MECOM: variants seen among roughly 807,000 people sequenced by gnomAD.
MECOM encodes histone-lysine N-methyltransferase MECOM.
Under a neutral mutation model 116.3 loss-of-function variants are expected in MECOM, and 13 were observed. The ratio of observed to expected loss-of-function variants is 0.11; its 90% CI spans 0.07 to 0.18. The LOEUF (loss-of-function observed/expected upper bound fraction) is 0.18. MECOM is among the 10% of genes least tolerant of loss of function. The probability of loss-of-function intolerance (pLI) is 1.00; values close to 1 mark genes in which losing one functional copy is unlikely to be tolerated. For missense variants in MECOM, 1,299 were observed against 1,509.0 expected (o/e 0.86, Z 2.31); for synonymous variants, 528 against 535.2 (o/e 0.99, Z 0.19).
chr3:169,491,621 G>A (rs565395476), intron 1 of MECOM, among the ~76,000 whole-genome samples: 1 of 152,170 alleles, frequency 6.6e-6, no homozygotes, highest in South Asian at 2.1e-4. Flanking sequence ...AGACTAAGAG[G>A]AAACCATATC....
At chr3:169,513,989 A>G (rs1756309936) in intron 1 of MECOM, among the ~76,000 whole-genome samples, 1 of 152,224 alleles carries the variant, frequency 6.6e-6, no homozygotes, top group Non-Finnish European at 1.5e-5. Context: ...ATCAGTGGCT[A>G]GTGCATCCAG....
chr3:169,110,192 GC>G (rs893842346), intron 9 of MECOM, among the ~76,000 whole-genome samples: 6 of 152,046 alleles, frequency 3.9e-5, no homozygotes, highest in Admixed American at 2.0e-4. Flanking sequence ...CTTGATCTGT[GC>G]CCCCCTTACT....
intron 1 of MECOM, among the ~76,000 whole-genome samples, chr3:169,439,122 A>G (rs2108600142): frequency 6.8e-6 from 1 of 147,678 alleles, no homozygotes; most frequent in East Asian, 1.9e-4. Context: ...TATTATTAAT[A>G]TTATTTAATA....
In MECOM at chr3:169,567,494, T is replaced by C. The variant is rs144034328; in HGVS notation, c.37+95842A>G. On this transcript the variant is annotated intron_variant, in intron 1 of 16. Transcript: ENST00000651503. ...CTAATATATTTATATTTGGTAATAT[T>C]GCCCTGAATAGGAGAAAACAGGGAG... Among the ~76,000 whole-genome samples, 4 of 152,344 alleles carry C rather than the reference T, an allele frequency of 2.6e-5. No homozygotes were observed. The East Asian group carries it at 7.7e-4, about 29-fold the overall frequency.
intron 1 of MECOM, among the ~76,000 whole-genome samples, chr3:169,447,145 G>A (rs1343493612): frequency 6.6e-6 from 1 of 152,052 alleles, no homozygotes; most frequent in Non-Finnish European, 1.5e-5. Flanking sequence ...AAAAGAAATT[G>A]CTCTGAACCA....
At chr3:169,648,402 C>T (rs1213132664) in intron 1 of MECOM, among the ~76,000 whole-genome samples, 2 of 152,164 alleles carry the variant, frequency 1.3e-5, no homozygotes, top group Admixed American at 6.5e-5. Flanking sequence ...ATCCATCTAC[C>T]CAGTATTTTT....
intron 1 of MECOM, among the ~76,000 whole-genome samples, chr3:169,535,429 A>G (rs1201038153): frequency 6.6e-6 from 1 of 152,188 alleles, no homozygotes; most frequent in Non-Finnish European, 1.5e-5. Flanking sequence ...CATGAAAGAA[A>G]ATATAGGTAG....
chr3:169,125,419 C>A (rs1028682544), intron 5 of MECOM, among the ~76,000 whole-genome samples: 3 of 152,006 alleles, frequency 2.0e-5, no homozygotes, highest in Non-Finnish European at 2.9e-5. Flanking sequence ...AAATCATAAA[C>A]CCTGAAATCT....
At chr3:169,171,605 A>G (rs1744413761) in intron 2 of MECOM, among the ~76,000 whole-genome samples, 1 of 152,192 alleles carries the variant, frequency 6.6e-6, no homozygotes, top group South Asian at 2.1e-4. Flanking sequence ...GAAAATAATT[A>G]TAAATGAAAT....
In MECOM at chr3:169,595,837, G is replaced by C. The variant is rs188972155; in HGVS notation, c.37+67499C>G. On this transcript the variant is annotated intron_variant, in intron 1 of 16. Transcript: ENST00000651503. ...ATATGAAACACAAATACCAAAACCA[G>C]AGAGGTAGTATTTTTTAAAGTAGAC... Among the ~76,000 whole-genome samples the C allele has an allele frequency of 1.7e-3, 260 of 152,236 alleles. 1 individual carries two copies. The highest frequency in any genetic ancestry group is 5.4e-3 in the African/African-American group (226 of 41,534).
rs1720253734 is a variant in MECOM at position 169,092,979 on chromosome 3, G to T, written c.3143C>A (p.Ser1048Tyr). 5 of 1,613,816 alleles carry T rather than the reference G, an allele frequency of 3.1e-6. No individual in the cohort carries two copies. In the South Asian group the frequency reaches 5.5e-5, roughly 18 times the overall value. Residue 1048 changes from serine to tyrosine, a missense_variant, in exon 14 of 17, where the codon TCT becomes TAT. Coordinates refer to ENST00000651503, the MANE Select transcript of MECOM (RefSeq NM_004991.4). The stretch of plus-strand genomic sequence containing the variant: ...TTACCTCTCCTCCACATTCCTGGGA[G>T]ATTGGCTGCCATGGTTGCTGTTCCC... ...FIGNSNHGSQ[S>Y]PRNVEERMNG...
chr3:169,100,751 G>C, intron 12 of MECOM, 134 bp downstream of exon 12: 1 of 347,630 alleles, frequency 2.9e-6, no homozygotes, highest in African/African-American at 2.2e-5. Flanking sequence ...ACTCAAAATT[G>C]AATAGACATA....
chr3:169,535,181 G>A (rs1291299142), intron 1 of MECOM, among the ~76,000 whole-genome samples: 1 of 152,102 alleles, frequency 6.6e-6, no homozygotes, highest in Non-Finnish European at 1.5e-5. Context: ...ACCTCACCAA[G>A]TCCCACTTGA....
At chr3:169,132,794 C>T (rs1411821371) in intron 3 of MECOM, among the ~76,000 whole-genome samples, 1 of 150,392 alleles carries the variant, frequency 6.6e-6, no homozygotes, top group Non-Finnish European at 1.5e-5. Flanking sequence ...AATCTGTTGC[C>T]CAGGCTGGGG....
intron 1 of MECOM, chr3:169,389,597 C>T: frequency 2.0e-6 from 2 of 985,318 alleles, no homozygotes; most frequent in South Asian, 4.7e-5. Context: ...CTTTCTATGT[C>T]CCCAAAGTGA....
At chr3:169,441,713 ACTT>A (rs1224758013) in intron 1 of MECOM, among the ~76,000 whole-genome samples, 6 of 146,716 alleles carry the variant, frequency 4.1e-5, no homozygotes, top group South Asian at 4.3e-4. Flanking sequence ...GCTATGTTAC[ACTT>A]CTTCTTCTCT....
At chr3:169,601,860 C>T (rs769574286) in intron 1 of MECOM, among the ~76,000 whole-genome samples, 3 of 152,206 alleles carry the variant, frequency 2.0e-5, no homozygotes, top group Non-Finnish European at 4.4e-5. Context: ...AAATACCCTG[C>T]AATGCTGCTA....
At position 169,378,485 on chromosome 3, in the gene MECOM, GAGAGAAAGAAAGAAAGAAAGAAAGAAAGA is replaced by G. The variant is rs1731653997; in HGVS notation, c.375+2673_375+2701del. 1.6e-4 allele frequency among the ~76,000 whole-genome samples: 6 copies of G among 36,830 alleles called. 1 individual carries two copies. The African/African-American group carries it at 2.1e-3, about 13-fold the overall frequency. The allele number at this position is 36,830 out of a possible 152,430, so 24.2% of individuals were successfully genotyped here. ...AGCAAGCAAGCAAGCAAGAAAGAGA[GAGAGAAAGAAAGAAAGAAAGAAAGAAAGA>G]AAAGAAAGAAAGAAAGAAAGAAAGA... On this transcript the variant is annotated intron_variant, in intron 2 of 16. Transcript: ENST00000651503.
intron 2 of MECOM, among the ~76,000 whole-genome samples, chr3:169,301,712 T>C (rs960083269): frequency 6.6e-6 from 1 of 152,244 alleles, no homozygotes; most frequent in African/African-American, 2.4e-5. Context: ...ATGCTAATTT[T>C]GATGACAGTT....
Sources: allele counts gnomAD v4.1 joint callset (sites outside exome capture counted in the v4.1 genomes callset), GRCh38; gene constraint gnomAD v4.1.1; transcripts MANE v1.5; gene names NCBI Gene and HGNC (gene_info 2026-07-23, HGNC 2026-07-21).